OXR1: variants seen among roughly 807,000 people sequenced by gnomAD.
OXR1 encodes the protein oxidation resistance protein 1.
In OXR1, 41 loss-of-function variants were observed where a neutral mutation model predicts 104.6. That is an observed-to-expected ratio of 0.39 (90% CI 0.31 to 0.51). OXR1 has a LOEUF of 0.51. Ranked by LOEUF, OXR1 falls within the 20% of genes least tolerant of loss-of-function variation. The pLI is 0.77. For synonymous variants in OXR1, 348 were observed against 348.4 expected (o/e 1.00, Z 0.01); for missense variants, 955 against 1,031.9 (o/e 0.93, Z 1.02).
rs955340290 is a variant in OXR1 at position 106,747,661 on chromosome 8, G to A, written c.2486+1799G>A. On this transcript the variant is annotated intron_variant, in intron 16 of 16. Transcript: ENST00000517566. ...CTTAAATACATTTACTTAAATATTTGGATATCACATACCTTTTTGAAATGC... is the reference window on the plus strand; with the variant it reads ...CTTAAATACATTTACTTAAATATTTAGATATCACATACCTTTTTGAAATGC... Among the ~76,000 whole-genome samples the A allele has an allele frequency of 3.3e-5, 5 of 152,224 alleles. 1 individual carries two copies. Among genetic ancestry groups the A allele is most frequent in the Admixed American group, 2.0e-4 (3 of 15,298 alleles).
chr8:106,729,283 C>G (rs1833638763), intron 11 of OXR1, among the ~76,000 whole-genome samples: 1 of 152,100 alleles, frequency 6.6e-6, no homozygotes, highest in Non-Finnish European at 1.5e-5. Flanking sequence ...CATTCTGGCT[C>G]TAGCTGATGC....
intron 2 of OXR1, among the ~76,000 whole-genome samples, chr8:106,429,857 G>T (rs1819288779): frequency 6.6e-6 from 1 of 151,868 alleles, no homozygotes; most frequent in Non-Finnish European, 1.5e-5. Context: ...GTAAAATTTA[G>T]GTCAAATTTA....
At chr8:106,491,979 G>A (rs1811118555) in intron 2 of OXR1, among the ~76,000 whole-genome samples, 1 of 152,104 alleles carries the variant, frequency 6.6e-6, no homozygotes, top group Non-Finnish European at 1.5e-5. Flanking sequence ...ACACACCAGA[G>A]GTTCTCAAAC....
intron 2 of OXR1, among the ~76,000 whole-genome samples, chr8:106,394,738 A>G (rs73305190): frequency 0.012 from 1,771 of 152,238 alleles, 35 homozygotes; most frequent in African/African-American, 0.04. Context: ...GGTGGTTGCC[A>G]AGGTTTGAGG....
chr8:106,404,862 C>T (rs557561729), intron 2 of OXR1, among the ~76,000 whole-genome samples: 6 of 151,996 alleles, frequency 3.9e-5, no homozygotes, highest in South Asian at 2.1e-4. Flanking sequence ...CCCACCACCA[C>T]GCTTGGCTAA....
At chr8:106,721,111 A>G (rs954419578) in intron 11 of OXR1, among the ~76,000 whole-genome samples, 2 of 151,928 alleles carry the variant, frequency 1.3e-5, no homozygotes, top group African/African-American at 4.8e-5. Context: ...ATTGTGTCAC[A>G]TGTTCAGTAT....
At chr8:106,711,732 C>A (rs1042871640) in intron 10 of OXR1, among the ~76,000 whole-genome samples, 2 of 152,060 alleles carry the variant, frequency 1.3e-5, no homozygotes, top group Non-Finnish European at 2.9e-5. Context: ...TTCTCTGTAC[C>A]TCCTTTCCTA....
At chr8:106,555,928 G>GTATATATATATATATATATATA (rs371162000) in intron 3 of OXR1, among the ~76,000 whole-genome samples, 1 of 142,532 alleles carries the variant, frequency 7.0e-6, no homozygotes, top group Non-Finnish European at 1.5e-5. Context: ...GTATATATAT[G>GTATATATATATATATATATATA]TACATATATA....
intron 3 of OXR1, among the ~76,000 whole-genome samples, chr8:106,663,597 C>T (rs1262405726): frequency 6.6e-6 from 1 of 152,156 alleles, no homozygotes; most frequent in Non-Finnish European, 1.5e-5. Flanking sequence ...CAGGGGTCCC[C>T]AGCCCTGGTC....
At chr8:106,389,962 A>T (rs543425648) in intron 2 of OXR1, among the ~76,000 whole-genome samples, 2 of 152,174 alleles carry the variant, frequency 1.3e-5, no homozygotes, top group East Asian at 1.9e-4. Flanking sequence ...GCTACTTGGG[A>T]GGGTGAGGCA....
chr8:106,334,992 G>T (rs1814896131), intron 1 of OXR1, among the ~76,000 whole-genome samples: 1 of 151,526 alleles, frequency 6.6e-6, no homozygotes, highest in South Asian at 2.1e-4. Context: ...TGCTTCTTCT[G>T]ATGGTCTACC....
intron 3 of OXR1, among the ~76,000 whole-genome samples, chr8:106,662,217 T>C (rs1424022808): frequency 6.6e-6 from 1 of 152,234 alleles, no homozygotes; most frequent in Non-Finnish European, 1.5e-5. Flanking sequence ...CTAAAACTGC[T>C]CTGCCTCATA....
chr8:106,433,235 T>C (rs2123543), intron 2 of OXR1, among the ~76,000 whole-genome samples: 34,349 of 152,062 alleles, frequency 0.23, 5,396 homozygotes, highest in African/African-American at 0.42. Flanking sequence ...TAGGTTTTCA[T>C]AATGTCTTCT....
At chr8:106,650,785 A>G (rs1394714370) in intron 3 of OXR1, among the ~76,000 whole-genome samples, 2 of 152,194 alleles carry the variant, frequency 1.3e-5, no homozygotes, top group Admixed American at 1.3e-4. Context: ...CATTGTTTTC[A>G]AAAATTGAAG....
At chr8:106,709,499 A>T (rs1290301335) in intron 9 of OXR1, among the ~76,000 whole-genome samples, 1 of 151,908 alleles carries the variant, frequency 6.6e-6, no homozygotes, top group Non-Finnish European at 1.5e-5. Context: ...TGCATCTTTG[A>T]CTACATCTGA....
chr8:106,623,638 G>T (rs1017178747), intron 3 of OXR1, among the ~76,000 whole-genome samples: 1 of 152,162 alleles, frequency 6.6e-6, no homozygotes, highest in Non-Finnish European at 1.5e-5. Flanking sequence ...GGTGGAAAGG[G>T]ATTGAAGAAC....
chr8:106,705,132 C>T (rs1236966747), intron 8 of OXR1, among the ~76,000 whole-genome samples: 3 of 152,068 alleles, frequency 2.0e-5, no homozygotes, highest in East Asian at 3.9e-4. Context: ...TATCCTGTCA[C>T]GTTTGTTATG....
chr8:106,620,776 A>C (rs958512272), intron 3 of OXR1, among the ~76,000 whole-genome samples: 2 of 152,224 alleles, frequency 1.3e-5, no homozygotes, highest in African/African-American at 4.8e-5. Context: ...AAATAATACA[A>C]ATAATTTCTT....
At chr8:106,731,486 T>G (rs934228195) in intron 11 of OXR1, among the ~76,000 whole-genome samples, 1 of 152,194 alleles carries the variant, frequency 6.6e-6, no homozygotes, top group African/African-American at 2.4e-5. Flanking sequence ...AAAGTGCACC[T>G]TCAGACTTAG....
Sources: gnomAD v4.1 joint callset for allele counts (sites outside exome capture counted in the v4.1 genomes callset) on GRCh38, gnomAD v4.1.1 for gene constraint, MANE v1.5 for transcripts, NCBI Gene and HGNC (gene_info 2026-07-23, HGNC 2026-07-21) for gene names.